ZNF581: variants seen among roughly 807,000 people sequenced by gnomAD.
The protein encoded by ZNF581 is zinc finger protein 581.
In ZNF581, 1 loss-of-function variant was observed where a neutral mutation model predicts 1.2. The ratio of observed to expected loss-of-function variants is 0.83; its 90% CI spans 0.30 to 3.95. The LOEUF (loss-of-function observed/expected upper bound fraction) is 3.95. Ranked by LOEUF, ZNF581 falls within the 30% of genes most tolerant of loss-of-function variation. ZNF581 has a pLI of 0.18. For missense variants in ZNF581, 273 were observed against 274.6 expected (o/e 0.99, Z 0.04); for synonymous variants, 105 against 109.2 (o/e 0.96, Z 0.24).
upstream of ZNF581, among the ~76,000 whole-genome samples, chr19:55,639,315 G>A (rs1482537914): frequency 6.6e-6 from 1 of 152,158 alleles, no homozygotes; most frequent in Non-Finnish European, 1.5e-5. Flanking sequence ...ATGTGTGGTG[G>A]CCCACGCCTG....
chr19:55,645,299 C>A lies in ZNF581; in HGVS notation c.*134C>A. ...ACACAGAGCAGCCGCATCTCAAAGG[C>A]AGAGCCCTGCCTGAAGGAGGAATCC... On this transcript the variant is annotated 3_prime_UTR_variant, in exon 2 of 2. Transcript: ENST00000270451. The A allele has an allele frequency of 1.4e-6, 1 of 724,172 alleles. No individual in the cohort carries two copies. The highest frequency in any genetic ancestry group is 2.1e-6 in the Non-Finnish European group (1 of 473,208). 44.9% of individuals were successfully genotyped at this position (724,172 alleles called of 1,614,324 possible).
upstream of ZNF581, chr19:55,640,691 C>A: frequency 1.0e-6 from 1 of 985,494 alleles, no homozygotes; most frequent in East Asian, 1.1e-4. Flanking sequence ...CCTTCTCCCG[C>A]CCTCTACCTC....
upstream of ZNF581, chr19:55,642,381 T>C: frequency 7.7e-7 from 1 of 1,292,592 alleles, no homozygotes; most frequent in South Asian, 2.7e-5. Flanking sequence ...GCTAGGGAGG[T>C]AGTCAGTGGC....
upstream of ZNF581, among the ~76,000 whole-genome samples, chr19:55,639,248 TCA>T (rs1227487948): frequency 3.1e-4 from 47 of 152,060 alleles, 1 homozygote. Context: ...AGGATGCTGC[TCA>T]ACACTCTACA....
rs1248325433 is a variant in ZNF581, at chr19:55,645,501, C to T, written c.*336C>T. On this transcript the variant is annotated 3_prime_UTR_variant, in exon 2 of 2. Transcript: ENST00000270451. ...CTCATAAAAGGTGGCTGTGGGTCGT[C>T]AGGAATCTGCGCCATCTTCCTGGGG... 4.2e-6 allele frequency: 1 copy of T among 239,792 alleles called. No individual in the cohort carries two copies. The highest frequency in any genetic ancestry group is 8.7e-6 in the Non-Finnish European group (1 of 115,546). The allele number at this position is 239,792 out of a possible 1,614,324, so 14.9% of individuals were successfully genotyped here.
upstream of ZNF581, among the ~76,000 whole-genome samples, chr19:55,638,362 C>T (rs1262309556): frequency 6.6e-6 from 1 of 152,148 alleles, no homozygotes; most frequent in Non-Finnish European, 1.5e-5. Context: ...CCTCAGCCTC[C>T]CAAGTAGCTG....
chr19:55,643,081 C>G (rs1391190892), upstream of ZNF581: 15 of 1,335,918 alleles, frequency 1.1e-5, no homozygotes, highest in Non-Finnish European at 1.4e-5. Flanking sequence ...CAAGTCTGAC[C>G]CACACAGCGT....
At chr19:55,641,130 G>A, upstream of ZNF581, 1 of 985,160 alleles carries the variant, frequency 1.0e-6, no homozygotes, top group Non-Finnish European at 1.2e-6. Flanking sequence ...GGGAAGCCCG[G>A]GGCCGCCCGG....
upstream of ZNF581, chr19:55,640,996 G>C (rs1165431456): frequency 1.0e-6 from 1 of 985,266 alleles, no homozygotes; most frequent in Non-Finnish European, 1.2e-6. Context: ...CGCGCTTCCG[G>C]CCGGCGCCTT....
At position 55,644,641 on chromosome 19, in the gene ZNF581, C is replaced by T. The variant is rs12982230; in HGVS notation, c.70C>T (p.Pro24Ser). ...FSSVETMEGPPRRTCRSPEPG... is the reference protein window; with the variant it reads ...FSSVETMEGPSRRTCRSPEPG... ...CTCCGTTGAGACCATGGAGGGCCCT[C>T]CCCGTCGGACTTGCCGCTCCCCAGA... is the stretch of plus-strand genomic sequence containing the variant. Residue 24 changes from proline to serine, a missense_variant, in exon 2 of 2, where the codon CCC becomes TCC. Coordinates refer to ENST00000270451, the MANE Select transcript of ZNF581 (RefSeq NM_016535.4). This position sits in a 1 kb window ranked among gnomAD's most constrained non-coding sequence, Gnocchi z 4.3. The T allele has an allele frequency of 6.2e-7, 1 of 1,610,744 alleles. No individual in the cohort carries two copies. The highest frequency in any genetic ancestry group is 1.1e-5 in the South Asian group (1 of 90,402).
upstream of ZNF581, among the ~76,000 whole-genome samples, chr19:55,637,127 T>C (rs541944523): frequency 6.7e-6 from 1 of 150,098 alleles, no homozygotes; most frequent in East Asian, 1.9e-4. Flanking sequence ...ATTATTATTA[T>C]CATTTTTTTT....
chr19:55,640,161 C>G, upstream of ZNF581: 1 of 985,484 alleles, frequency 1.0e-6, no homozygotes, highest in Non-Finnish European at 1.2e-6. Flanking sequence ...CGCCCTCCTG[C>G]GAGGCCGTGG....
At chr19:55,642,477 C>G (rs747494942), upstream of ZNF581, 1 of 1,408,052 alleles carries the variant, frequency 7.1e-7, no homozygotes, top group Admixed American at 2.9e-5. Context: ...TTTAACTAAT[C>G]TCCCCTCCGC....
At chr19:55,638,896 T>A (rs1982253966), upstream of ZNF581, among the ~76,000 whole-genome samples, 1 of 150,966 alleles carries the variant, frequency 6.6e-6, no homozygotes, top group African/African-American at 2.4e-5. Flanking sequence ...TCTCAGCTAT[T>A]TGGGAGGTGG....
exon 1 of ZNF581, chr19:55,635,478 G>A (rs2123613572): frequency 6.1e-6 from 1 of 164,318 alleles, no homozygotes; most frequent in Admixed American, 6.5e-5. Context: ...GGGTGCTGGA[G>A]CGGGGGTCAA....
chr19:55,641,035 C>G, upstream of ZNF581: 1 of 985,310 alleles, frequency 1.0e-6, no homozygotes, highest in Non-Finnish European at 1.2e-6. Flanking sequence ...ACCCCTCGCA[C>G]CCCCGCGCCC....
upstream of ZNF581, chr19:55,642,191 G>A (rs1260727993): frequency 5.3e-6 from 6 of 1,139,938 alleles, no homozygotes; most frequent in East Asian, 1.3e-4. Flanking sequence ...GGTGGGTTGA[G>A]AGGAGAAAAG....
At chr19:55,635,472 G>C (rs1251513217) in exon 1 of ZNF581, 1 of 160,256 alleles carries the variant, frequency 6.2e-6, no homozygotes, top group Non-Finnish European at 1.3e-5. Flanking sequence ...AGGTGAGGGT[G>C]CTGGAGCGGG....
At position 55,644,700 on chromosome 19, in the gene ZNF581, G is replaced by C. The variant is rs763275243; in HGVS notation, c.129G>C (p.Gln43His). 6.2e-7 allele frequency: 1 copy of C among 1,613,778 alleles called. No homozygotes were observed. Among genetic ancestry groups the C allele is most frequent in the South Asian group, 1.1e-5 (1 of 91,014 alleles). Reference sequence around the variant, plus strand: ...CTTCCTCCTCCATCGGATCTCCCCAGGCTTCATCTCCTCCAAGGCCCAACC... The same window carrying C: ...CTTCCTCCTCCATCGGATCTCCCCACGCTTCATCTCCTCCAAGGCCCAACC... ...PGPSSSIGSP[Q>H]ASSPPRPNHY... The change falls in exon 2 of 2, where the codon CAG becomes CAC. Residue 43 changes from glutamine (Q) to histidine (H), a missense_variant. Gln to His is a conservative substitution (Grantham distance 24). Transcript: ENST00000270451. The surrounding 1 kb of genome is among the most constrained non-coding windows in gnomAD (Gnocchi z 4.3).
Sources: allele counts gnomAD v4.1 joint callset (sites outside exome capture counted in the v4.1 genomes callset), GRCh38; gene constraint gnomAD v4.1.1; non-coding constraint Gnocchi (gnomAD v3.1); transcripts MANE v1.5; gene names NCBI Gene and HGNC (gene_info 2026-07-23, HGNC 2026-07-21).